Variants in C10orf90 observed in about 807,000 individuals in gnomAD.
The protein encoded by C10orf90 is chromosome 10 open reading frame 90, also known as (E2-independent) E3 ubiquitin-conjugating enzyme FATS.
In C10orf90, 56 loss-of-function variants were observed where a neutral mutation model predicts 62.5. That is an observed-to-expected ratio of 0.90 (90% CI 0.72 to 1.12). C10orf90 has a LOEUF of 1.12. Among genes scored for constraint, C10orf90 ranks in the 50% most tolerant of loss-of-function variants. The probability of loss-of-function intolerance (pLI) is 0.00; values close to 1 mark genes in which losing one functional copy is unlikely to be tolerated. For missense variants in C10orf90, 970 were observed against 880.4 expected, an observed-to-expected ratio of 1.10 and a Z score of -1.29; for synonymous variants, 386 against 340.4, an observed-to-expected ratio of 1.13 and a Z score of -1.47.
intron 2 of C10orf90, among the ~76,000 whole-genome samples, chr10:126,602,868 T>C (rs2842164): frequency 0.06 from 9,098 of 151,940 alleles, 428 homozygotes; most frequent in South Asian, 0.22. Context: ...CATCCTCTTG[T>C]TGAAATACAT....
chr10:126,502,881 C>G (rs1862487193), intron 4 of C10orf90: 2 of 488,652 alleles, frequency 4.1e-6, no homozygotes, highest in Non-Finnish European at 8.2e-6. Context: ...AAAGCCATGC[C>G]AAAATTGCCT....
At chr10:126,641,441 G>C (rs1045330838) in intron 2 of C10orf90, among the ~76,000 whole-genome samples, 1 of 152,000 alleles carries the variant, frequency 6.6e-6, no homozygotes, top group Non-Finnish European at 1.5e-5. Context: ...AGGTTAAATC[G>C]ATCAGAAGGG....
At chr10:126,443,692 A>G (rs1858550579) in intron 7 of C10orf90, among the ~76,000 whole-genome samples, 1 of 152,118 alleles carries the variant, frequency 6.6e-6, no homozygotes, top group Admixed American at 6.5e-5. Flanking sequence ...CATCACCTTA[A>G]TACGAAAACC....
intron 2 of C10orf90, among the ~76,000 whole-genome samples, chr10:126,517,372 G>A (rs888387914): frequency 1.3e-5 from 2 of 152,208 alleles, no homozygotes; most frequent in Non-Finnish European, 2.9e-5. Flanking sequence ...AACGGGCAGA[G>A]GGTGTGCAGG....
At chr10:126,490,077 T>C (rs1484566718) in intron 4 of C10orf90, among the ~76,000 whole-genome samples, 1 of 122,574 alleles carries the variant, frequency 8.2e-6, no homozygotes, top group Non-Finnish European at 1.6e-5. Context: ...TAATATATAA[T>C]ATAATAATAA....
At chr10:126,527,180 C>T (rs751574169) in intron 2 of C10orf90, among the ~76,000 whole-genome samples, 3 of 152,150 alleles carry the variant, frequency 2.0e-5, no homozygotes, top group Non-Finnish European at 4.4e-5. Context: ...TTCCCACCAG[C>T]GATGTATGAG....
intron 7 of C10orf90, among the ~76,000 whole-genome samples, chr10:126,445,496 T>C (rs1858702771): frequency 6.6e-6 from 1 of 151,904 alleles, no homozygotes; most frequent in Admixed American, 6.6e-5. Context: ...ATGGCCATAA[T>C]AAAAAAATCA....
At position 126,604,956 on chromosome 10, in the gene C10orf90, C is replaced by T. The variant is rs184891860; in HGVS notation, c.313+41609G>A. Among the ~76,000 whole-genome samples, 13 of 152,266 alleles carry T rather than the reference C, an allele frequency of 8.5e-5. No homozygotes were observed. In the East Asian group the frequency reaches 2.3e-3, roughly 27 times the overall value. On this transcript the variant is annotated intron_variant, in intron 2 of 9. Coordinates refer to ENST00000488181, the MANE Select transcript of C10orf90 (RefSeq NM_001350921.2). ...TTTCACTCCACCATGCTCTTTTGAT[C>T]CCGTGCCACCCCAGGAAAGCTCAGA... is the stretch of plus-strand genomic sequence containing the variant.
At chr10:126,484,157 T>C (rs1174616369) in intron 4 of C10orf90, among the ~76,000 whole-genome samples, 1 of 152,236 alleles carries the variant, frequency 6.6e-6, no homozygotes. Context: ...ATATGCCTTC[T>C]ATATTTAATA....
At chr10:126,597,748 C>T (rs1013229555) in intron 2 of C10orf90, among the ~76,000 whole-genome samples, 1 of 152,174 alleles carries the variant, frequency 6.6e-6, no homozygotes, top group Non-Finnish European at 1.5e-5. Flanking sequence ...AGAAATTATT[C>T]TACTCATCCC....
chr10:126,434,474 A>T (rs1175482564), intron 7 of C10orf90, among the ~76,000 whole-genome samples: 2 of 152,208 alleles, frequency 1.3e-5, no homozygotes, highest in South Asian at 2.1e-4. Flanking sequence ...ATTTATTAGG[A>T]CAATGCTTTC....
chr10:126,433,503 C>A (rs752057613), intron 7 of C10orf90, among the ~76,000 whole-genome samples: 1 of 152,134 alleles, frequency 6.6e-6, no homozygotes, highest in Non-Finnish European at 1.5e-5. Flanking sequence ...TCACATAGAC[C>A]TGCCTGCAGC....
At position 126,535,946 on chromosome 10, in the gene C10orf90, G is replaced by A. The variant is rs1864224113; in HGVS notation, c.314-22007C>T. Among the ~76,000 whole-genome samples, 4 of 152,142 alleles carry A rather than the reference G, an allele frequency of 2.6e-5. No homozygotes were observed. In the South Asian group the frequency reaches 6.2e-4, roughly 24 times the overall value. On this transcript the variant is annotated intron_variant, in intron 2 of 9. Transcript: ENST00000488181. ...GTCAGTGCAGAGAGTCCATCGTTACGGGGCAGGTGGAGCAGAATCTAGATG... is the reference window on the plus strand; with the variant it reads ...GTCAGTGCAGAGAGTCCATCGTTACAGGGCAGGTGGAGCAGAATCTAGATG...
chr10:126,562,964 C>G (rs1416419405), intron 2 of C10orf90, among the ~76,000 whole-genome samples: 2 of 152,252 alleles, frequency 1.3e-5, no homozygotes, highest in Non-Finnish European at 2.9e-5. Flanking sequence ...GCCACCCACT[C>G]TCATGGGCTG....
chr10:126,490,213 C>A (rs985725381), intron 4 of C10orf90, among the ~76,000 whole-genome samples: 49 of 144,012 alleles, frequency 3.4e-4, no homozygotes, highest in Admixed American at 2.9e-3. Flanking sequence ...GAAAGAAATT[C>A]TAACGCATGC....
At chr10:126,612,817 T>TA (rs1434445990) in intron 2 of C10orf90, among the ~76,000 whole-genome samples, 1 of 152,156 alleles carries the variant, frequency 6.6e-6, no homozygotes, top group Non-Finnish European at 1.5e-5. Flanking sequence ...TACGTGTTTC[T>TA]AAAAAAAGAA....
At chr10:126,532,679 T>C (rs940656034) in intron 2 of C10orf90, among the ~76,000 whole-genome samples, 1 of 149,618 alleles carries the variant, frequency 6.7e-6, no homozygotes, top group African/African-American at 2.5e-5. Flanking sequence ...CTACTAAAAA[T>C]ACAAAAAATT....
At chr10:126,640,044 C>T (rs1846029377) in intron 2 of C10orf90, among the ~76,000 whole-genome samples, 1 of 152,210 alleles carries the variant, frequency 6.6e-6, no homozygotes, top group African/African-American at 2.4e-5. Context: ...TAATAACATC[C>T]TACCCAAGCA....
At chr10:126,621,557 A>G (rs544580455) in intron 2 of C10orf90, among the ~76,000 whole-genome samples, 1 of 152,182 alleles carries the variant, frequency 6.6e-6, no homozygotes, top group Non-Finnish European at 1.5e-5. Flanking sequence ...ATTCTTCCCC[A>G]TATATTCCCA....
Sources: gnomAD v4.1 joint callset for allele counts (sites outside exome capture counted in the v4.1 genomes callset) on GRCh38, gnomAD v4.1.1 for gene constraint, MANE v1.5 for transcripts, NCBI Gene and HGNC (gene_info 2026-07-23, HGNC 2026-07-21) for gene names.